The following NKAIN3 variants were observed in gnomAD, a reference collection of about 807,000 sequenced individuals.
NKAIN3 encodes sodium/potassium transporting ATPase interacting 3.
In NKAIN3, 25 loss-of-function variants were observed where a neutral mutation model predicts 30.2. That is an observed-to-expected ratio of 0.83 (90% CI 0.60 to 1.16). The LOEUF (loss-of-function observed/expected upper bound fraction) is 1.16. Among genes scored for constraint, NKAIN3 ranks in the 50% most tolerant of loss-of-function variants. The pLI, the probability that NKAIN3 is intolerant of heterozygous loss-of-function variation, is 0.00. For missense variants in NKAIN3, 225 were observed against 254.1 expected (o/e 0.89, Z 0.78); for synonymous variants, 91 against 89.6 (o/e 1.02, Z -0.09).
At chr8:62,764,586 TC>T (rs1412744877) in intron 4 of NKAIN3, among the ~76,000 whole-genome samples, 1 of 152,106 alleles carries the variant, frequency 6.6e-6, no homozygotes, top group Non-Finnish European at 1.5e-5. Context: ...CACCTTACCT[TC>T]CTAAATAGCT....
chr8:62,298,002 G>T (rs1813896811), intron 1 of NKAIN3, among the ~76,000 whole-genome samples: 1 of 152,056 alleles, frequency 6.6e-6, no homozygotes. Context: ...CATAAAAAAT[G>T]ATGAGTTCAT....
At chr8:62,911,032 A>C (rs1292677392) in intron 4 of NKAIN3, among the ~76,000 whole-genome samples, 1 of 152,174 alleles carries the variant, frequency 6.6e-6, no homozygotes, top group East Asian at 1.9e-4. Flanking sequence ...TTCCTGTCAA[A>C]GAGGCTAACA....
intron 1 of NKAIN3, among the ~76,000 whole-genome samples, chr8:62,328,013 GC>G (rs1815202102): frequency 6.6e-6 from 1 of 151,990 alleles, no homozygotes; most frequent in African/African-American, 2.4e-5. Flanking sequence ...CTATTTTAAA[GC>G]CATTCATGGG....
intron 3 of NKAIN3, among the ~76,000 whole-genome samples, chr8:62,707,696 G>C (rs1017728079): frequency 6.6e-6 from 1 of 152,004 alleles, no homozygotes; most frequent in African/African-American, 2.4e-5. Flanking sequence ...TCTGCCGACT[G>C]TTCCTTTTGC....
At chr8:62,588,427 G>C (rs1810545929) in intron 2 of NKAIN3, among the ~76,000 whole-genome samples, 1 of 151,662 alleles carries the variant, frequency 6.6e-6, no homozygotes, top group African/African-American at 2.4e-5. Context: ...AAAAATGAAA[G>C]CAAACCTCCT....
chr8:62,749,338 T>C (rs1437149933), intron 4 of NKAIN3, among the ~76,000 whole-genome samples: 1 of 152,210 alleles, frequency 6.6e-6, no homozygotes, highest in Non-Finnish European at 1.5e-5. Context: ...ATAAACTGTA[T>C]GTGTTGCCAC....
rs1411799234 is a variant in NKAIN3 at position 62,981,717 on chromosome 8, C to T, written c.*16310C>T. 1 of 142,880 alleles carries T rather than the reference C, an allele frequency of 7.0e-6. No homozygotes were observed. Among genetic ancestry groups the T allele is most frequent in the Non-Finnish European group, 1.5e-5 (1 of 66,282 alleles). 8.9% of individuals were successfully genotyped at this position (142,880 alleles called of 1,614,324 possible). A position where few individuals can be genotyped will look rare whatever the true frequency, so the allele number is the denominator to read the frequency against. ...ATGTGACAAGAACTCTGCTGTGTGG[C>T]AACCTTATGTATCCACAACAGAACT... is the stretch of plus-strand genomic sequence containing the variant. On this transcript the variant is annotated 3_prime_UTR_variant, in exon 7 of 7. Coordinates refer to ENST00000623646, the MANE Select transcript of NKAIN3 (RefSeq NM_001304533.3).
chr8:62,454,097 A>G (rs893944361), intron 1 of NKAIN3, among the ~76,000 whole-genome samples: 1 of 151,848 alleles, frequency 6.6e-6, no homozygotes, highest in African/African-American at 2.4e-5. Flanking sequence ...CAGATATGGC[A>G]TGACTTGCTC....
chr8:62,854,650 G>T (rs1234589882), intron 4 of NKAIN3, among the ~76,000 whole-genome samples: 2 of 152,086 alleles, frequency 1.3e-5, no homozygotes, highest in African/African-American at 4.8e-5. Flanking sequence ...TCTTTATCTG[G>T]TTTGCCATTC....
At position 62,862,203 on chromosome 8, in the gene NKAIN3, C is replaced by T. The variant is rs544062557; in HGVS notation, c.472-56250C>T. 1.3e-4 allele frequency among the ~76,000 whole-genome samples: 20 copies of T among 151,904 alleles called. No individual in the cohort carries two copies. The East Asian group carries it at 3.1e-3, about 23-fold the overall frequency. ...TGGCTTCTCATTTACATGGCAGATC[C>T]GATTCATCATGTTGACATAGTTAAA... On this transcript the variant is annotated intron_variant, in intron 4 of 6. Transcript: ENST00000623646.
chr8:62,643,667 A>G (rs1170228565), intron 3 of NKAIN3, among the ~76,000 whole-genome samples: 2 of 152,128 alleles, frequency 1.3e-5, no homozygotes, highest in African/African-American at 2.4e-5. Flanking sequence ...TTCCTCAAAT[A>G]AACCCTGCTT....
At chr8:62,320,384 G>A (rs1052511456) in intron 1 of NKAIN3, among the ~76,000 whole-genome samples, 6 of 152,068 alleles carry the variant, frequency 3.9e-5, no homozygotes, top group African/African-American at 1.4e-4. Flanking sequence ...TATGATGTTA[G>A]CTGGTTATTT....
At chr8:62,950,111 C>T (rs1823240906) in intron 5 of NKAIN3, among the ~76,000 whole-genome samples, 1 of 152,132 alleles carries the variant, frequency 6.6e-6, no homozygotes, top group African/African-American at 2.4e-5. Context: ...TGCCTTTCCC[C>T]AAACATAATT....
intron 5 of NKAIN3, among the ~76,000 whole-genome samples, chr8:62,937,694 T>A (rs1822829659): frequency 6.6e-6 from 1 of 151,604 alleles, no homozygotes. Context: ...GAATCTGTAG[T>A]GGGGGGGCAA....
At chr8:62,591,592 G>C (rs1034567432) in intron 3 of NKAIN3, among the ~76,000 whole-genome samples, 21 of 151,932 alleles carry the variant, frequency 1.4e-4, no homozygotes, top group African/African-American at 4.8e-4. Flanking sequence ...ATGTCTAAAA[G>C]TTTTTATCTC....
chr8:62,591,378 C>A (rs1267354180), intron 3 of NKAIN3, among the ~76,000 whole-genome samples: 1 of 151,764 alleles, frequency 6.6e-6, no homozygotes, highest in Non-Finnish European at 1.5e-5. Context: ...ATAATAAGAC[C>A]AGATTTTCCA....
At chr8:62,379,696 A>C (rs1485182075) in intron 1 of NKAIN3, among the ~76,000 whole-genome samples, 1 of 152,146 alleles carries the variant, frequency 6.6e-6, no homozygotes, top group Non-Finnish European at 1.5e-5. Flanking sequence ...AGGCCTCCCA[A>C]GCTATGCAGA....
At chr8:62,447,476 T>A (rs1040854812) in intron 1 of NKAIN3, among the ~76,000 whole-genome samples, 4 of 152,044 alleles carry the variant, frequency 2.6e-5, no homozygotes, top group African/African-American at 9.7e-5. Flanking sequence ...CACCAAGCGA[T>A]AGGTCTAGGT....
chr8:62,923,338 G>C (rs951884146), intron 5 of NKAIN3, among the ~76,000 whole-genome samples: 2 of 151,912 alleles, frequency 1.3e-5, no homozygotes, highest in African/African-American at 4.8e-5. Context: ...AAAAAAATAA[G>C]AAAAAGAAAT....
Sources: allele counts gnomAD v4.1 joint callset (sites outside exome capture counted in the v4.1 genomes callset), GRCh38; gene constraint gnomAD v4.1.1; transcripts MANE v1.5; gene names NCBI Gene and HGNC (gene_info 2026-07-23, HGNC 2026-07-21).